DQX1: variants seen among roughly 807,000 people sequenced by gnomAD.
The protein encoded by DQX1 is ATP-dependent RNA helicase homolog DQX1.
In DQX1, 66 loss-of-function variants were observed where a neutral mutation model predicts 81.3. The observed-to-expected ratio is 0.81, with a 90% CI of 0.67 to 1.00. DQX1 has a LOEUF of 1.00. Among genes scored for constraint, DQX1 ranks in the 50% least tolerant of loss-of-function variants. DQX1 has a pLI of 0.00. For missense variants in DQX1, 798 were observed against 867.9 expected (o/e 0.92, Z 1.01); for synonymous variants, 290 against 350.0 (o/e 0.83, Z 1.91).
In DQX1 at chr2:74,523,366, A is replaced by G; in HGVS notation, c.988T>C (p.Ser330Pro). ...TGTTGGATGGAAGGGAGGGAGAAGG[A>G]GAAGTCAGCCAGCCAGTGAGTGACC... Reference protein sequence around the residue: ...VVVTHWLADFSFSLPSIQHVI... With the variant: ...VVVTHWLADFPFSLPSIQHVI... Residue 330 changes from serine to proline, a missense_variant, in exon 5 of 12, where the codon TCC becomes CCC. Coordinates refer to ENST00000404568, the MANE Select transcript of DQX1 (RefSeq NM_133637.3). 1.2e-6 allele frequency: 2 copies of G among 1,614,206 alleles called. No individual in the cohort carries two copies. Among genetic ancestry groups the G allele is most frequent in the Non-Finnish European group, 1.7e-6 (2 of 1,180,032 alleles).
chr2:74,519,526 A>C (rs1471681711), intron 10 of DQX1, 30 bp downstream of exon 10: 1 of 1,603,200 alleles, frequency 6.2e-7, no homozygotes, highest in Non-Finnish European at 8.5e-7. Context: ...TGCTCCTTTG[A>C]TCACCCTCAC....
At chr2:74,519,362 G>A in intron 10 of DQX1, 132 bp from the exon 11 acceptor site, 2 of 1,249,206 alleles carry the variant, frequency 1.6e-6, no homozygotes, top group Non-Finnish European at 2.2e-6. Flanking sequence ...TCTAGGTGTT[G>A]TCTGGTCTCT....
Position 74,525,790 on chromosome 2 carries a change from C to A in DQX1, c.-19-42G>T, listed in dbSNP as rs928403170. The A allele has an allele frequency of 1.0e-4, 143 of 1,399,908 alleles. No homozygotes were observed. The highest frequency in any genetic ancestry group is 1.3e-4 in the Non-Finnish European group (136 of 1,022,838). The allele number at this position is 1,399,908 out of a possible 1,614,324, so 86.7% of individuals were successfully genotyped here. A position where few individuals can be genotyped will look rare whatever the true frequency, so the allele number is the denominator to read the frequency against. ...AGCCAGTAAGGTCATATTTGGTGACCGACACCATCTTCCCACCTCAGCCCT... is the reference window on the plus strand; with the variant it reads ...AGCCAGTAAGGTCATATTTGGTGACAGACACCATCTTCCCACCTCAGCCCT... On this transcript the variant is annotated intron_variant, in intron 1 of 11. Transcript: ENST00000404568. This position sits in a 1 kb window ranked among gnomAD's most constrained non-coding sequence, Gnocchi z 4.1.
chr2:74,519,037 C>T lies in DQX1; in HGVS notation c.1997+3G>A, dbSNP rs1674957334. The T allele has an allele frequency of 6.4e-7, 1 of 1,569,110 alleles. No individual in the cohort carries two copies. The highest frequency in any genetic ancestry group is 1.4e-5 in the African/African-American group (1 of 73,490). Reference sequence around the variant, plus strand: ...AGTATAGGAGGGATGTCAGGGAACTCACATCTGTGGTTGAATCTCAGAAAC... The same window carrying T: ...AGTATAGGAGGGATGTCAGGGAACTTACATCTGTGGTTGAATCTCAGAAAC... On this transcript the variant is annotated splice_donor_region_variant and intron_variant, in intron 11 of 11. Coordinates refer to ENST00000404568, the MANE Select transcript of DQX1 (RefSeq NM_133637.3).
In DQX1 at chr2:74,518,494, G is replaced by T. The variant is rs1236056558; in HGVS notation, c.2106C>A (p.Ser702Arg). Residue 702 changes from serine to arginine, a missense_variant, in exon 12 of 12, where the codon AGC (serine) becomes AGA (arginine). By Grantham distance (110) the Ser-to-Arg change is moderately radical. Coordinates refer to ENST00000404568, the MANE Select transcript of DQX1 (RefSeq NM_133637.3). Reference protein sequence around the residue: ...REGMADSTAGSKSSSAQEFRD... With the variant: ...REGMADSTAGRKSSSAQEFRD... ...TGAACTCCTGGGCTGAGGATGATTT[G>T]CTCCCTGCTGTAGAATCTGCCATTC... 1.2e-6 allele frequency: 2 copies of T among 1,614,230 alleles called. No individual in the cohort carries two copies. Among genetic ancestry groups the T allele is most frequent in the Non-Finnish European group, 1.7e-6 (2 of 1,180,028 alleles).
In DQX1 at chr2:74,523,334, G is replaced by A. The variant is rs746815800; in HGVS notation, c.1020C>T (p.Ile340=). Residue 340 remains isoleucine, a synonymous_variant, in exon 5 of 12, where the codon ATC becomes ATT. Coordinates refer to ENST00000404568, the MANE Select transcript of DQX1 (RefSeq NM_133637.3). ...CACTTCGGAGCTCCAGTCCTGAGTC[G>A]ATGACATGTTGGATGGAAGGGAGGG... is the stretch of plus-strand genomic sequence containing the variant. ...SFSLPSIQHV[I]DSGLELRSVY... 115 of 1,614,016 alleles carry A rather than the reference G, an allele frequency of 7.1e-5. No homozygotes were observed. Among genetic ancestry groups the A allele is most frequent in the Non-Finnish European group, 9.5e-5 (112 of 1,180,040 alleles).
At position 74,520,079 on chromosome 2, in the gene DQX1, G is replaced by T. The variant is rs1490840118; in HGVS notation, c.1496-45C>A. On this transcript the variant is annotated intron_variant, in intron 8 of 11. Transcript: ENST00000404568. ...AGGTAGAATCTGCCATTTGGGAAAT[G>T]GGAAGGGATAGTAGTACAGGTAGAA... is the stretch of plus-strand genomic sequence containing the variant. 2.5e-6 allele frequency: 4 copies of T among 1,599,916 alleles called. No individual in the cohort carries two copies. In the South Asian group the frequency reaches 4.4e-5, roughly 18 times the overall value.
chr2:74,519,244 A>G lies in DQX1; in HGVS notation c.1807-14T>C. On this transcript the variant is annotated splice_polypyrimidine_tract_variant and intron_variant, in intron 10 of 11. Coordinates refer to ENST00000404568, the MANE Select transcript of DQX1 (RefSeq NM_133637.3). ...GTCTCTGGCCACCTTATTGAAAGGC[A>G]GAAATATTGACGGAATAAATAAAAG... The G allele has an allele frequency of 6.5e-7, 1 of 1,541,394 alleles. No individual in the cohort carries two copies. Among genetic ancestry groups the G allele is most frequent in the Admixed American group, 2.2e-5 (1 of 45,858 alleles).
At position 74,524,104 on chromosome 2, in the gene DQX1, A is replaced by C. The variant is rs1243205821; in HGVS notation, c.635T>G (p.Leu212Arg). 6.2e-7 allele frequency: 1 copy of C among 1,613,972 alleles called. No individual in the cohort carries two copies. The highest frequency in any genetic ancestry group is 8.5e-7 in the Non-Finnish European group (1 of 1,180,022). ...VVTDPALEPKLRAFWGNPPIV... is the reference protein window; with the variant it reads ...VVTDPALEPKRRAFWGNPPIV... ...AGGAGGATTGCCCCAGAAAGCTCGGAGCTTAGGTTCAAGGGCTGGGTCAGT... is the reference window on the plus strand; with the variant it reads ...AGGAGGATTGCCCCAGAAAGCTCGGCGCTTAGGTTCAAGGGCTGGGTCAGT... Residue 212 changes from leucine (L) to arginine (R), a missense_variant, in exon 4 of 12, where the codon CTC becomes CGC. By Grantham distance (102) the Leu-to-Arg change is moderately radical. Transcript: ENST00000404568.
At position 74,519,844 on chromosome 2, in the gene DQX1, C is replaced by A. The variant is rs1674980036; in HGVS notation, c.1615+71G>T. On this transcript the variant is annotated intron_variant, in intron 9 of 11. Transcript: ENST00000404568. ...GCCTCCTCTTTCTGAGCATAGAGAT[C>A]TGTCAGCTGGCTGCATAAAATTTCC... 6.2e-6 allele frequency: 10 copies of A among 1,602,248 alleles called. No homozygotes were observed. The Middle Eastern group carries it at 5.0e-4, about 80-fold the overall frequency.
chr2:74,520,520 G>A (rs1674995925), intron 8 of DQX1, among the ~76,000 whole-genome samples: 1 of 152,188 alleles, frequency 6.6e-6, no homozygotes, highest in African/African-American at 2.4e-5. Flanking sequence ...ATCTGGTATG[G>A]GTGGAGGGAA....
At chr2:74,522,470 GGGGT>G in intron 8 of DQX1, 106 bp downstream of exon 8, 1 of 1,325,188 alleles carries the variant, frequency 7.5e-7, no homozygotes, top group Non-Finnish European at 1.0e-6. Flanking sequence ...GGCATTGTGA[GGGGT>G]GGCAACTGGA....
chr2:74,524,368 A>T (rs1220767999), intron 3 of DQX1, 61 bp from the exon 4 acceptor site: 1 of 1,542,574 alleles, frequency 6.5e-7, no homozygotes, highest in Non-Finnish European at 8.7e-7. Flanking sequence ...CCACAAGCTC[A>T]GGGAATCTTC....
chr2:74,525,399 C>G lies in DQX1; in HGVS notation c.237+94G>C, dbSNP rs527828281. On this transcript the variant is annotated intron_variant, in intron 2 of 11. Transcript: ENST00000404568. This position sits in a 1 kb window ranked among gnomAD's most constrained non-coding sequence, Gnocchi z 4.1. ...ATGACCCCACGCAGCCCAGTCCCCC[C>G]TTGCCCAGGGAAAGGCCACTTTCCC... 3.7e-5 allele frequency: 51 copies of G among 1,389,566 alleles called. No individual in the cohort carries two copies. In the African/African-American group the frequency reaches 5.4e-4, roughly 15 times the overall value. The allele number at this position is 1,389,566 out of a possible 1,614,324, so 86.1% of individuals were successfully genotyped here.
chr2:74,522,793 C>G lies in DQX1; in HGVS notation c.1304-22G>C, dbSNP rs114872355. 1.8e-4 allele frequency: 289 copies of G among 1,613,736 alleles called. 1 individual carries two copies. The African/African-American group carries it at 3.5e-3, about 20-fold the overall frequency. On this transcript the variant is annotated intron_variant, in intron 7 of 11. Coordinates refer to ENST00000404568, the MANE Select transcript of DQX1 (RefSeq NM_133637.3). ...GGAGCTGGTGAGGAAACAGGGCTTA[C>G]AGGATATGAAGTTTCAGAACTGGGT...
chr2:74,519,313 G>A, intron 10 of DQX1, 83 bp from the exon 11 acceptor site: 1 of 1,441,042 alleles, frequency 6.9e-7, no homozygotes, highest in Non-Finnish European at 9.4e-7. Context: ...GATTGAGAAA[G>A]AGTAAGGGTG....
intron 8 of DQX1, among the ~76,000 whole-genome samples, chr2:74,521,532 C>T (rs558896587): frequency 1.3e-5 from 2 of 152,146 alleles, no homozygotes; most frequent in African/African-American, 4.8e-5. Context: ...TGCCTGTAGT[C>T]CCAGCTACTT....
intron 8 of DQX1, among the ~76,000 whole-genome samples, chr2:74,522,192 G>A (rs895366026): frequency 6.6e-6 from 1 of 152,184 alleles, no homozygotes; most frequent in Admixed American, 6.5e-5. Context: ...ACTGGATTAG[G>A]TACCTGGAAG....
At chr2:74,520,278 T>A (rs948526253) in intron 8 of DQX1, among the ~76,000 whole-genome samples, 2 of 152,162 alleles carry the variant, frequency 1.3e-5, no homozygotes, top group African/African-American at 4.8e-5. Context: ...TTGATAAGCA[T>A]GATAGGTGTT....
Sources: gnomAD v4.1 joint callset for allele counts (sites outside exome capture counted in the v4.1 genomes callset) on GRCh38, gnomAD v4.1.1 for gene constraint, Gnocchi (gnomAD v3.1) non-coding constraint, MANE v1.5 for transcripts, NCBI Gene and HGNC (gene_info 2026-07-23, HGNC 2026-07-21) for gene names.